GPC5: variants seen among roughly 807,000 people sequenced by gnomAD.
GPC5 encodes the protein glypican 5.
GPC5 carries 47 observed loss-of-function variants against 53.9 expected under a neutral mutation model. The ratio of observed to expected loss-of-function variants is 0.87; its 90% CI spans 0.69 to 1.11. The LOEUF (loss-of-function observed/expected upper bound fraction) is 1.11, where lower values mean the gene tolerates loss of function less well. Among genes scored for constraint, GPC5 ranks in the 50% most tolerant of loss-of-function variants. The pLI, the probability that GPC5 is intolerant of heterozygous loss-of-function variation, is 0.00. For synonymous variants in GPC5, 286 were observed against 263.3 expected, an observed-to-expected ratio of 1.09 and a Z score of -0.84; for missense variants, 748 against 713.1, an observed-to-expected ratio of 1.05 and a Z score of -0.56.
chr13:91,521,628 C>A (rs1476345684), intron 2 of GPC5, among the ~76,000 whole-genome samples: 5 of 151,962 alleles, frequency 3.3e-5, no homozygotes, highest in African/African-American at 4.8e-5. Context: ...TTTTTCTATT[C>A]TTTCATTCAA....
chr13:92,771,691 C>A (rs375814991), intron 7 of GPC5, among the ~76,000 whole-genome samples: 1 of 152,102 alleles, frequency 6.6e-6, no homozygotes, highest in Non-Finnish European at 1.5e-5. Context: ...TACCTCTAGA[C>A]GACAATTTTG....
At chr13:92,674,561 GCTCTTCTT>G (rs1367369772) in intron 7 of GPC5, among the ~76,000 whole-genome samples, 1,349 of 21,494 alleles carry the variant, frequency 0.063, 22 homozygotes, top group African/African-American at 0.13. Context: ...GCTTCATGAA[GCTCTTCTT>G]GAAGCAGGAG....
intron 7 of GPC5, among the ~76,000 whole-genome samples, chr13:92,432,014 C>A (rs1877109132): frequency 6.6e-6 from 1 of 152,124 alleles, no homozygotes; most frequent in African/African-American, 2.4e-5. Context: ...TATGTTAAAG[C>A]CCCAATGTGA....
intron 2 of GPC5, among the ~76,000 whole-genome samples, chr13:91,609,856 CTCAG>C (rs2033493640): frequency 6.6e-6 from 1 of 152,188 alleles, no homozygotes; most frequent in Non-Finnish European, 1.5e-5. Flanking sequence ...TTCTCCTTAT[CTCAG>C]GATGTTACAT....
intron 6 of GPC5, among the ~76,000 whole-genome samples, chr13:92,011,407 C>T (rs2040660404): frequency 6.6e-6 from 1 of 152,198 alleles, no homozygotes; most frequent in East Asian, 1.9e-4. Flanking sequence ...AGTCACAGGA[C>T]TACCCCTTCC....
chr13:92,283,479 C>A (rs909514875), intron 7 of GPC5, among the ~76,000 whole-genome samples: 3 of 152,122 alleles, frequency 2.0e-5, no homozygotes, highest in African/African-American at 7.2e-5. Context: ...CAAAATTGAC[C>A]ACATAGTTGG....
chr13:92,183,166 A>G (rs1458359047), intron 7 of GPC5, among the ~76,000 whole-genome samples: 1 of 152,220 alleles, frequency 6.6e-6, no homozygotes, highest in Non-Finnish European at 1.5e-5. Flanking sequence ...GTTTTCCCAC[A>G]TAGCCTTTCA....
At chr13:91,423,359 A>G (rs913658358) in intron 1 of GPC5, among the ~76,000 whole-genome samples, 1 of 152,186 alleles carries the variant, frequency 6.6e-6, no homozygotes, top group African/African-American at 2.4e-5. Flanking sequence ...CTTTGAATTT[A>G]AAGGATTAAA....
At chr13:92,028,235 A>G (rs1485457374) in intron 6 of GPC5, among the ~76,000 whole-genome samples, 1 of 152,144 alleles carries the variant, frequency 6.6e-6, no homozygotes, top group Non-Finnish European at 1.5e-5. Flanking sequence ...CGAACTTCTT[A>G]TGACTCATTA....
intron 5 of GPC5, among the ~76,000 whole-genome samples, chr13:91,783,140 G>A (rs1483380063): frequency 6.6e-6 from 1 of 152,054 alleles, no homozygotes; most frequent in East Asian, 1.9e-4. Flanking sequence ...TGTAATCCCA[G>A]CTACTCAGAA....
At chr13:92,398,823 A>G (rs1238941587) in intron 7 of GPC5, among the ~76,000 whole-genome samples, 1 of 152,190 alleles carries the variant, frequency 6.6e-6, no homozygotes, top group Non-Finnish European at 1.5e-5. Context: ...ATTTTGCTTC[A>G]GGTCATCCTG....
intron 7 of GPC5, among the ~76,000 whole-genome samples, chr13:92,763,471 A>G (rs1594489910): frequency 2.6e-5 from 4 of 152,262 alleles, no homozygotes; most frequent in Admixed American, 2.6e-4. Flanking sequence ...GGGCTTTGGC[A>G]GTTCTCCTTT....
intron 7 of GPC5, among the ~76,000 whole-genome samples, chr13:92,363,578 A>G (rs1438173068): frequency 6.6e-6 from 1 of 151,698 alleles, no homozygotes; most frequent in African/African-American, 2.4e-5. Flanking sequence ...CTCAGTGGAT[A>G]ATGCTTGCTT....
intron 7 of GPC5, among the ~76,000 whole-genome samples, chr13:92,425,042 A>G (rs1301617739): frequency 6.6e-6 from 1 of 151,846 alleles, no homozygotes; most frequent in African/African-American, 2.4e-5. Flanking sequence ...TCCAACCAGC[A>G]TTTTCTATTT....
At chr13:92,754,383 A>G (rs564864217) in intron 7 of GPC5, among the ~76,000 whole-genome samples, 1 of 152,344 alleles carries the variant, frequency 6.6e-6, no homozygotes, top group East Asian at 1.9e-4. Context: ...TCATGCCAAA[A>G]TGTAAAGACC....
chr13:91,703,587 G>T (rs1267380438), intron 3 of GPC5, among the ~76,000 whole-genome samples: 1 of 152,134 alleles, frequency 6.6e-6, no homozygotes, highest in East Asian at 1.9e-4. Flanking sequence ...GTGTTCATAA[G>T]GGATAATGAT....
chr13:92,511,980 TC>T lies in GPC5; in HGVS notation c.1562-354299del, dbSNP rs148600614. 6.5e-3 allele frequency among the ~76,000 whole-genome samples: 986 copies of T among 152,202 alleles called. 9 individuals are homozygous for T. The highest frequency in any genetic ancestry group is 0.023 in the African/African-American group (939 of 41,538). ...CATCCCTGTAGTGAAGTTCTGGGTG[TC>T]CCGATTTCTAGTTGCTTTGTACCTT... On this transcript the variant is annotated intron_variant, in intron 7 of 7. Transcript: ENST00000377067.
chr13:91,599,310 T>C (rs1463898651), intron 2 of GPC5, among the ~76,000 whole-genome samples: 1 of 152,146 alleles, frequency 6.6e-6, no homozygotes, highest in African/African-American at 2.4e-5. Context: ...TTACTAAAAA[T>C]ATAACTACTC....
chr13:91,655,274 T>C (rs1442170604), intron 2 of GPC5, among the ~76,000 whole-genome samples: 1 of 152,080 alleles, frequency 6.6e-6, no homozygotes, highest in Non-Finnish European at 1.5e-5. Flanking sequence ...GGACAATTCT[T>C]AGGGAAAATT....
Sources: allele counts gnomAD v4.1 joint callset (sites outside exome capture counted in the v4.1 genomes callset), GRCh38; gene constraint gnomAD v4.1.1; transcripts MANE v1.5; gene names NCBI Gene and HGNC (gene_info 2026-07-23, HGNC 2026-07-21).